Variants in TEX35 observed in about 807,000 individuals in gnomAD.
The protein encoded by TEX35 is testis expressed 35, also known as testis-expressed protein 35.
In TEX35, 26 loss-of-function variants were observed where a neutral mutation model predicts 31.9. The observed-to-expected ratio is 0.81, with a 90% confidence interval of 0.60 to 1.13. The LOEUF (loss-of-function observed/expected upper bound fraction) is 1.13. Ranked by LOEUF, TEX35 falls within the 50% of genes most tolerant of loss-of-function variation. The pLI, the probability that TEX35 is intolerant of heterozygous loss-of-function variation, is 0.00. For synonymous variants in TEX35, 87 were observed against 90.7 expected, an observed-to-expected ratio of 0.96 and a Z score of 0.23; for missense variants, 278 against 273.5, an observed-to-expected ratio of 1.02 and a Z score of -0.12.
chr1:178,518,555 A>G (rs1650158953), intron 5 of TEX35, among the ~76,000 whole-genome samples: 2 of 152,168 alleles, frequency 1.3e-5, no homozygotes, highest in African/African-American at 4.8e-5. Context: ...GAATATTTAT[A>G]ATAAGAACTA....
At chr1:178,521,628 T>G in intron 8 of TEX35, 1 of 1,552,360 alleles carries the variant, frequency 6.4e-7, no homozygotes, top group Non-Finnish European at 8.7e-7. Context: ...CTGATTTATC[T>G]GTACCTCAAC....
In TEX35 at chr1:178,516,825, G is replaced by A. The variant is rs72707045; in HGVS notation, c.276+151G>A. On this transcript the variant is annotated intron_variant, in intron 5 of 8. Transcript: ENST00000319416. ...GCATTGCAAGCCAAATAATTAATTC[G>A]TTGTTTGCTAGTTAGGGGCTTAGAG... The A allele has an allele frequency of 1.3e-3, 766 of 571,456 alleles. 2 individuals are homozygous for A. Among genetic ancestry groups the A allele is most frequent in the South Asian group, 3.0e-3 (113 of 37,946 alleles). 35.4% of individuals were successfully genotyped at this position (571,456 alleles called of 1,614,324 possible).
rs1348604814 is a variant in TEX35, at chr1:178,515,831, C to T, written c.160-28C>T. On this transcript the variant is annotated intron_variant, in intron 3 of 8. Coordinates refer to ENST00000319416, the MANE Select transcript of TEX35 (RefSeq NM_032126.5). ...CCTCCATCCTAGATATTTCTTTCCT[C>T]CTTCTCTTCTCCATTTTATTTCCTC... is the stretch of plus-strand genomic sequence containing the variant. The T allele has an allele frequency of 2.5e-6, 4 of 1,588,978 alleles. No individual in the cohort carries two copies. The Admixed American group carries it at 5.1e-5, about 20-fold the overall frequency.
At chr1:178,521,404 C>T (rs1267360240) in intron 8 of TEX35, 140 bp downstream of exon 8, 11 of 1,101,268 alleles carry the variant, frequency 1.0e-5, no homozygotes, top group African/African-American at 1.5e-5. Context: ...ATGCTGCCAC[C>T]CAGCATGCTC....
intron 8 of TEX35, chr1:178,521,567 T>G: frequency 6.7e-7 from 1 of 1,492,314 alleles, no homozygotes; most frequent in South Asian, 1.2e-5. Flanking sequence ...GTGGGAAATA[T>G]TCACACCAGG....
intron 8 of TEX35, 158 bp downstream of exon 8, chr1:178,521,422 CA>C: frequency 9.6e-7 from 1 of 1,038,772 alleles, no homozygotes; most frequent in Non-Finnish European, 1.5e-6. Context: ...CTCAGTCATA[CA>C]GGATGTGGCA....
chr1:178,516,752 T>A, intron 5 of TEX35, 78 bp downstream of exon 5: 1 of 955,846 alleles, frequency 1.0e-6, no homozygotes, highest in South Asian at 1.7e-5. Flanking sequence ...GACCCTGCCC[T>A]CCAGGAGCTT....
chr1:178,513,462 A>G (rs1285514262), intron 1 of TEX35, among the ~76,000 whole-genome samples: 2 of 152,252 alleles, frequency 1.3e-5, no homozygotes, highest in East Asian at 3.8e-4. Context: ...GAGCACTGCC[A>G]AGGGAGCACT....
chr1:178,522,571 A>C lies in TEX35; in HGVS notation c.*131A>C. 1 of 1,335,186 alleles carries C rather than the reference A, an allele frequency of 7.5e-7. No individual in the cohort carries two copies. Among genetic ancestry groups the C allele is most frequent in the Non-Finnish European group, 9.6e-7 (1 of 1,038,946 alleles). 82.7% of individuals were successfully genotyped at this position (1,335,186 alleles called of 1,614,324 possible). On this transcript the variant is annotated 3_prime_UTR_variant, in exon 9 of 9. Coordinates refer to ENST00000319416, the MANE Select transcript of TEX35 (RefSeq NM_032126.5). ...GAGGAATGATGGGATTTCATATTTT[A>C]TTTCACACCAGTTCCTCCTTGTTTC...
In TEX35 at chr1:178,521,242, T is replaced by C; in HGVS notation, c.564T>C (p.Ala188=). ...TGCAGGAGAAATGTTTGTTGTGTGC[T>C]CTAAAGAACAACTACAATCGGGGTA... The part of the protein sequence containing the change: ...GTCCEKCLLC[A]LKNNYNRGNI... Residue 188 remains alanine (A), a synonymous_variant, in exon 8 of 9, where the codon GCT becomes GCC. Transcript: ENST00000319416. The C allele has an allele frequency of 6.2e-7, 1 of 1,614,230 alleles. No individual in the cohort carries two copies. The highest frequency in any genetic ancestry group is 1.1e-5 in the South Asian group (1 of 91,088).
intron 8 of TEX35, chr1:178,521,971 C>T: frequency 1.1e-6 from 1 of 900,400 alleles, no homozygotes; most frequent in South Asian, 1.8e-5. Context: ...TCCTCCCAAC[C>T]ACCACCTCCC....
At chr1:178,516,532 G>A in intron 4 of TEX35, 83 bp from the exon 5 acceptor site, 1 of 1,246,966 alleles carries the variant, frequency 8.0e-7, no homozygotes, top group Non-Finnish European at 1.2e-6. Context: ...ACTGCCCTTT[G>A]CTTAAAATGC....
Position 178,516,583 on chromosome 1 carries a change from C to T in TEX35, c.217-32C>T, listed in dbSNP as rs1006358913. Reference sequence around the variant, plus strand: ...ACTAACCTCAATAACATGCTCTGTGCTTTGTCAAGCCATGCCTTTCTTCCT... The same window carrying T: ...ACTAACCTCAATAACATGCTCTGTGTTTTGTCAAGCCATGCCTTTCTTCCT... On this transcript the variant is annotated intron_variant, in intron 4 of 8. Coordinates refer to ENST00000319416, the MANE Select transcript of TEX35 (RefSeq NM_032126.5). 1.1e-5 allele frequency: 17 copies of T among 1,596,162 alleles called. No homozygotes were observed. In the African/African-American group the frequency reaches 1.7e-4, roughly 16 times the overall value.
At position 178,522,403 on chromosome 1, in the gene TEX35, C is replaced by A. The variant is rs776732666; in HGVS notation, c.665C>A (p.Ala222Asp). 1 of 1,604,520 alleles carries A rather than the reference C, an allele frequency of 6.2e-7. No individual in the cohort carries two copies. Among genetic ancestry groups the A allele is most frequent in the East Asian group, 2.2e-5 (1 of 44,758 alleles). The change falls in exon 9 of 9, where the codon GCT (alanine) becomes GAT (aspartate). Residue 222 changes from alanine to aspartate, a missense_variant. Ala to Asp is a moderately radical substitution (Grantham distance 126). Transcript: ENST00000319416. ...PVTTQPSVGH[A>D]VPAPKSQTEG... ...ACCACCCAACCTTCTGTGGGCCACG[C>A]TGTGCCTGCCCCAAAGTCCCAGACT...
chr1:178,513,559 A>C (rs944019298), intron 1 of TEX35, among the ~76,000 whole-genome samples: 11 of 152,260 alleles, frequency 7.2e-5, no homozygotes, highest in African/African-American at 2.4e-4. Flanking sequence ...GCTCAGAATA[A>C]CCTTATTAGA....
At chr1:178,517,258 A>G (rs1262147235) in intron 5 of TEX35, among the ~76,000 whole-genome samples, 4 of 152,212 alleles carry the variant, frequency 2.6e-5, no homozygotes, top group Non-Finnish European at 5.9e-5. Flanking sequence ...AATCAGCCCA[A>G]CGATAACCAA....
chr1:178,518,530 GA>G (rs1388324352), intron 5 of TEX35, among the ~76,000 whole-genome samples: 7 of 151,886 alleles, frequency 4.6e-5, no homozygotes, highest in Non-Finnish European at 7.4e-5. Context: ...AACTATTAAA[GA>G]CAATGTTTAG....
At chr1:178,519,518 C>T (rs535389441) in intron 5 of TEX35, among the ~76,000 whole-genome samples, 1 of 152,118 alleles carries the variant, frequency 6.6e-6, no homozygotes, top group Non-Finnish European at 1.5e-5. Context: ...TCTATGAATA[C>T]AAATATTTTA....
intron 8 of TEX35, chr1:178,521,851 G>C: frequency 3.3e-6 from 5 of 1,495,576 alleles, no homozygotes; most frequent in Non-Finnish European, 4.4e-6. Flanking sequence ...CAAAACTTGA[G>C]TGTGTGGAGG....
Sources: gnomAD v4.1 joint callset for allele counts (sites outside exome capture counted in the v4.1 genomes callset) on GRCh38, gnomAD v4.1.1 for gene constraint, MANE v1.5 for transcripts, NCBI Gene and HGNC (gene_info 2026-07-23, HGNC 2026-07-21) for gene names.